Variants in MYH2 observed in about 807,000 individuals in gnomAD.
MYH2 encodes myosin heavy chain 2, also known as myosin-2.
A neutral mutation model predicts 228.1 loss-of-function variants in MYH2; 139 were observed. That is an observed-to-expected ratio of 0.61 (90% CI 0.53 to 0.70). The LOEUF (loss-of-function observed/expected upper bound fraction) is 0.70, where lower values mean the gene tolerates loss of function less well. Among genes scored for constraint, MYH2 ranks in the 30% least tolerant of loss-of-function variants. The pLI, the probability that MYH2 is intolerant of heterozygous loss-of-function variation, is 0.00. For synonymous variants in MYH2, 796 were observed against 871.1 expected (o/e 0.91, Z 1.52); for missense variants, 1,809 against 2,357.5 (o/e 0.77, Z 4.82).
Position 10,537,731 on chromosome 17 carries a change from T to G in MYH2, c.1521A>C (p.Glu507Asp). 6.2e-7 allele frequency: 1 copy of G among 1,614,196 alleles called. No homozygotes were observed. Among genetic ancestry groups the G allele is most frequent in the Non-Finnish European group, 8.5e-7 (1 of 1,180,038 alleles). Residue 507 changes from glutamate to aspartate, a missense_variant, in exon 15 of 40, where the codon GAA becomes GAC. Coordinates refer to ENST00000245503, the MANE Select transcript of MYH2 (RefSeq NM_017534.6). The surrounding 1 kb of genome is among the most constrained non-coding windows in gnomAD (Gnocchi z 4.0). ...FVLEQEEYKK[E>D]GIEWTFIDFG... ...AGTCGATGAACGTCCACTCGATGCC[T>G]TCCTTCTTGTACTCCTCCTGCTCCA...
intron 21 of MYH2, among the ~76,000 whole-genome samples, chr17:10,532,629 T>C (rs959467114): frequency 2.0e-5 from 3 of 152,196 alleles, no homozygotes; most frequent in Non-Finnish European, 4.4e-5. Context: ...TTTATATATC[T>C]GCATACACAT....
intron 10 of MYH2, 93 bp downstream of exon 10, chr17:10,542,782 C>T: frequency 1.3e-6 from 1 of 789,830 alleles, no homozygotes; most frequent in Non-Finnish European, 2.0e-6. Context: ...GGCACATAAA[C>T]TTGACAAAAT....
intron 28 of MYH2, 122 bp downstream of exon 28, chr17:10,527,626 G>T: frequency 6.8e-7 from 1 of 1,469,156 alleles, no homozygotes; most frequent in East Asian, 2.3e-5. Context: ...AGGTGTCTGA[G>T]CTGTTCAGTG....
chr17:10,548,464 G>A (rs942306422), intron 2 of MYH2, among the ~76,000 whole-genome samples: 1 of 152,060 alleles, frequency 6.6e-6, no homozygotes, highest in Non-Finnish European at 1.5e-5. Flanking sequence ...TGAATGTAAT[G>A]TAGAAGAACT....
rs141764966 is a variant in MYH2, at chr17:10,531,675, C to G, written c.2655G>C (p.Thr885=). The change falls in exon 22 of 40, where the codon ACG becomes ACC. Residue 885 remains threonine, a synonymous_variant. Coordinates refer to ENST00000245503, the MANE Select transcript of MYH2 (RefSeq NM_017534.6). ...KRKELEEKMV[T]LLKEKNDLQL... The stretch of plus-strand genomic sequence containing the variant: ...GCAAGTCATTTTTTTCTTTCAACAG[C>G]GTCACCATCTTTTCTTCCAGTTCCT... 9 of 1,614,042 alleles carry G rather than the reference C, an allele frequency of 5.6e-6. No individual in the cohort carries two copies. The highest frequency in any genetic ancestry group is 1.6e-4 in the Middle Eastern group (1 of 6,084).
At chr17:10,545,289 T>C in intron 5 of MYH2, 57 bp downstream of exon 5, 3 of 1,611,742 alleles carry the variant, frequency 1.9e-6, no homozygotes, top group Non-Finnish European at 2.5e-6. Flanking sequence ...CGAGTCTCTT[T>C]CTCCTATGGT....
chr17:10,540,729 T>C (rs764089968), intron 10 of MYH2, 32 bp from the exon 11 acceptor site: 1 of 1,513,620 alleles, frequency 6.6e-7, no homozygotes, highest in Non-Finnish European at 9.2e-7. Context: ...AAGATAAACA[T>C]AATTATCTTC....
rs868304109 is a variant in MYH2 at position 10,545,427 on chromosome 17, C to T, written c.424G>A (p.Ala142Thr). Residue 142 changes from alanine to threonine, a missense_variant, in exon 5 of 40, where the codon GCC becomes ACC. Ala to Thr is a moderately conservative substitution (Grantham distance 58). Transcript: ENST00000245503. ...TCCTGGCGCTTTTTGCCTCGGTAGG[C>T]TGTCACCACCTCGGGCTTATACACA... ...LPVYKPEVVT[A>T]YRGKKRQEAP... 2.5e-6 allele frequency: 4 copies of T among 1,614,166 alleles called. No homozygotes were observed. Among genetic ancestry groups the T allele is most frequent in the Non-Finnish European group, 3.4e-6 (4 of 1,180,024 alleles).
rs951796115 is a variant in MYH2 at position 10,549,361 on chromosome 17, A to G, written c.-21+14T>C. 1.3e-5 allele frequency: 2 copies of G among 152,686 alleles called. No homozygotes were observed. The highest frequency in any genetic ancestry group is 4.8e-5 in the African/African-American group (2 of 41,458). 9.5% of individuals were successfully genotyped at this position (152,686 alleles called of 1,614,324 possible). On this transcript the variant is annotated intron_variant, in intron 2 of 39. Transcript: ENST00000245503. ...TTGCATTCTCCTCCAGGAACTGGTT[A>G]GTCCAAATCTTACCTTGTTAGCAAG... is the stretch of plus-strand genomic sequence containing the variant.
intron 4 of MYH2, 121 bp downstream of exon 4, chr17:10,547,354 A>T: frequency 7.8e-7 from 1 of 1,275,526 alleles, no homozygotes; most frequent in Non-Finnish European, 1.1e-6. Flanking sequence ...CCTTTTAACT[A>T]GTTATGCTGC....
At chr17:10,527,174 C>A in intron 28 of MYH2, 118 bp from the exon 29 acceptor site, 1 of 867,102 alleles carries the variant, frequency 1.2e-6, no homozygotes, top group Non-Finnish European at 1.9e-6. Context: ...TGGTTGAATT[C>A]TATACTGACA....
intron 11 of MYH2, among the ~76,000 whole-genome samples, 156 bp from the exon 12 acceptor site, chr17:10,540,222 G>C (rs2073534054): frequency 6.6e-6 from 1 of 152,032 alleles, no homozygotes. Context: ...TCAACCAAAG[G>C]CCAGCACAGA....
intron 10 of MYH2, among the ~76,000 whole-genome samples, 183 bp downstream of exon 10, chr17:10,542,692 C>T (rs1007109189): frequency 1.3e-5 from 2 of 152,102 alleles, no homozygotes; most frequent in African/African-American, 4.8e-5. Flanking sequence ...TTTCAGTTTT[C>T]CTTTTGATTT....
chr17:10,528,644 C>T (rs770330279), intron 27 of MYH2, 46 bp downstream of exon 27: 2 of 1,613,398 alleles, frequency 1.2e-6, no homozygotes, highest in Admixed American at 1.7e-5. Flanking sequence ...TATGATGTGT[C>T]CATAATGCAT....
intron 19 of MYH2, 80 bp from the exon 20 acceptor site, chr17:10,533,712 TA>T: frequency 6.6e-7 from 1 of 1,526,258 alleles, no homozygotes; most frequent in Non-Finnish European, 9.0e-7. Flanking sequence ...ATTCATTTTT[TA>T]AAGCAGAGCT....
In MYH2 at chr17:10,531,647, G is replaced by A; in HGVS notation, c.2683C>T (p.Leu895Phe). The stretch of plus-strand genomic sequence containing the variant: ...TTCCAACTCACAGCCTGAACTTGGA[G>A]CTGCAAGTCATTTTTTTCTTTCAAC... ...TLLKEKNDLQ[L>F]QVQAEAEGLA... Residue 895 changes from leucine (L) to phenylalanine (F), a missense_variant, in exon 22 of 40, where the codon CTC becomes TTC. Physicochemically the swap from Leu to Phe is conservative, Grantham distance 22 (BLOSUM62 0). Transcript: ENST00000245503. 1.9e-6 allele frequency: 3 copies of A among 1,614,188 alleles called. No individual in the cohort carries two copies. The highest frequency in any genetic ancestry group is 1.6e-4 in the Middle Eastern group (1 of 6,062).
Position 10,526,744 on chromosome 17 carries a change from G to A in MYH2, c.4042C>T (p.Leu1348=). ...ALQSSRHDCD[L]LREQYEEEQE... ...TCCTCCTCATACTGTTCCCGCAGCA[G>A]GTCACAGTCGTGGCGGGAAGACTGC... is the stretch of plus-strand genomic sequence containing the variant. The change falls in exon 30 of 40, where the codon CTG becomes TTG. Residue 1348 remains leucine (L), a synonymous_variant. Coordinates refer to ENST00000245503, the MANE Select transcript of MYH2 (RefSeq NM_017534.6). 6.2e-7 allele frequency: 1 copy of A among 1,614,224 alleles called. No individual in the cohort carries two copies. The highest frequency in any genetic ancestry group is 1.1e-5 in the South Asian group (1 of 91,084).
At chr17:10,527,098 C>G (rs762415068) in intron 28 of MYH2, 42 bp from the exon 29 acceptor site, 2 of 1,545,630 alleles carry the variant, frequency 1.3e-6, no homozygotes, top group Non-Finnish European at 1.8e-6. Context: ...AGGTGAAAAA[C>G]AAGATTCTGC....
chr17:10,523,564 G>A lies in MYH2; in HGVS notation c.5404C>T (p.Arg1802Cys), dbSNP rs746710734. Reference sequence around the variant, plus strand: ...GCCAGCTGCTCAGCCTCATCCAGACGGAGCTGCAGATCCTTCACGGTCTGC... The same window carrying A: ...GCCAGCTGCTCAGCCTCATCCAGACAGAGCTGCAGATCCTTCACGGTCTGC... Reference protein sequence around the residue: ...MEQTVKDLQLRLDEAEQLALK... With the variant: ...MEQTVKDLQLCLDEAEQLALK... The change falls in exon 37 of 40, where the codon CGT becomes TGT. Residue 1802 changes from arginine (R) to cysteine (C), a missense_variant. Around this residue, in one of 9 missense-constraint regions of MYH2, gnomAD observed 278 missense variants for 308.5 expected, o/e 0.90. Transcript: ENST00000245503. 2.0e-5 allele frequency: 32 copies of A among 1,614,054 alleles called. No homozygotes were observed. The highest frequency in any genetic ancestry group is 6.7e-5 in the African/African-American group (5 of 74,912).
Sources: gnomAD v4.1 joint callset for allele counts (sites outside exome capture counted in the v4.1 genomes callset) on GRCh38, gnomAD v4.1.1 for gene constraint, gnomAD v4.1.1 regional missense constraint, Gnocchi (gnomAD v3.1) non-coding constraint, MANE v1.5 for transcripts, NCBI Gene and HGNC (gene_info 2026-07-23, HGNC 2026-07-21) for gene names.